Variants in PLEKHG1 observed in about 807,000 individuals in gnomAD.
PLEKHG1 encodes the protein pleckstrin homology domain-containing family G member 1.
In PLEKHG1, 44 loss-of-function variants were observed where a neutral mutation model predicts 100.8. That is an observed-to-expected ratio of 0.44 (90% CI 0.34 to 0.56). PLEKHG1 has a LOEUF of 0.56. Among genes scored for constraint, PLEKHG1 ranks in the 20% least tolerant of loss-of-function variants. The pLI is 0.01. For synonymous variants in PLEKHG1, 640 were observed against 662.5 expected (o/e 0.97, Z 0.52); for missense variants, 1,545 against 1,720.9 (o/e 0.90, Z 1.81).
chr6:150,639,643 G>C (rs1465231972), intron 2 of PLEKHG1, among the ~76,000 whole-genome samples: 1 of 152,062 alleles, frequency 6.6e-6, no homozygotes, highest in African/African-American at 2.4e-5. Flanking sequence ...AGAGCTTCCT[G>C]GGCTGGCCTG....
chr6:150,647,159 A>G (rs1778536597), intron 2 of PLEKHG1, among the ~76,000 whole-genome samples: 1 of 152,238 alleles, frequency 6.6e-6, no homozygotes, highest in African/African-American at 2.4e-5. Context: ...GTATTATCAG[A>G]CATGACTTTA....
chr6:150,831,469 C>T lies in PLEKHG1; in HGVS notation c.2358C>T (p.Ser786=), dbSNP rs115830521. Residue 786 remains serine (S), a synonymous_variant, in exon 15 of 16, where the codon TCC becomes TCT. Coordinates refer to ENST00000358517, the Ensembl canonical transcript of PLEKHG1. The surrounding 1 kb of genome is among the most constrained non-coding windows in gnomAD (Gnocchi z 4.1). The stretch of plus-strand genomic sequence containing the variant: ...GTGACAGCCTGAGGCCATTTGTTTC[C>T]CAAGACAGCCTCCAGCTCAGTGAGG... 5,363 of 1,614,118 alleles carry T rather than the reference C, an allele frequency of 3.3e-3. 136 individuals carry two copies. In the African/African-American group the frequency reaches 0.058, roughly 17 times the overall value.
chr6:150,733,690 CTCT>C, exon 2 of PLEKHG1: 1 of 1,614,204 alleles, frequency 6.2e-7, no homozygotes, highest in South Asian at 1.1e-5. Flanking sequence ...CAATGGAGCT[CTCT>C]GATAGTGACC....
intron 1 of PLEKHG1, among the ~76,000 whole-genome samples, chr6:150,620,325 T>C (rs981205566): frequency 1.3e-5 from 2 of 152,176 alleles, no homozygotes; most frequent in Non-Finnish European, 1.5e-5. Flanking sequence ...AGCGTTTCTC[T>C]CCAAGGAAGA....
At position 150,697,977 on chromosome 6, in the gene PLEKHG1, A is replaced by G. The variant is rs1195234599; in HGVS notation, c.-98-35607A>G. 1.7e-4 allele frequency among the ~76,000 whole-genome samples: 26 copies of G among 150,506 alleles called. No homozygotes were observed. The Admixed American group carries it at 1.7e-3, about 10-fold the overall frequency. ...TTTTTGTTTGTTTTTAAAGAATGTT[A>G]TGGATAAAGACCAAATGTTGGCTAA... On this transcript the variant is annotated intron_variant, in intron 3 of 3. Transcript: ENST00000367326.
intron 3 of PLEKHG1, among the ~76,000 whole-genome samples, chr6:150,715,396 G>A (rs905518333): frequency 2.2e-4 from 33 of 152,124 alleles, no homozygotes; most frequent in African/African-American, 2.2e-4. Flanking sequence ...CAGGAGGAAG[G>A]TCAGCGTGTT....
intron 4 of PLEKHG1, 128 bp from the exon 6 acceptor site, chr6:150,795,728 A>G (rs1264986138): frequency 5.1e-6 from 2 of 392,630 alleles, no homozygotes; most frequent in Non-Finnish European, 8.7e-6. Context: ...GCCTAAAAAA[A>G]AAAACAAAAA....
chr6:150,696,924 A>G (rs2128596346), intron 3 of PLEKHG1, among the ~76,000 whole-genome samples: 1 of 152,160 alleles, frequency 6.6e-6, no homozygotes, highest in South Asian at 2.1e-4. Context: ...CCTGGCCAAC[A>G]TGGTGAAACC....
chr6:150,619,314 G>A (rs977970709), intron 1 of PLEKHG1, among the ~76,000 whole-genome samples: 4 of 151,934 alleles, frequency 2.6e-5, no homozygotes, highest in African/African-American at 7.3e-5. Flanking sequence ...TCCCACCTCC[G>A]CACCTCCCTG....
intron 2 of PLEKHG1, among the ~76,000 whole-genome samples, chr6:150,640,760 C>T (rs1273747007): frequency 6.6e-6 from 1 of 152,048 alleles, no homozygotes; most frequent in Admixed American, 6.6e-5. Flanking sequence ...CCAGTGAGCA[C>T]ATTCTGCTTG....
chr6:150,808,807 CT>C (rs1326088297), intron 7 of PLEKHG1, among the ~76,000 whole-genome samples: 15 of 152,048 alleles, frequency 9.9e-5, no homozygotes, highest in African/African-American at 2.9e-4. Flanking sequence ...CTGGTGGCCC[CT>C]GGACCTGGCT....
chr6:150,752,619 T>A (rs1033627641), intron 2 of PLEKHG1, among the ~76,000 whole-genome samples: 8 of 152,220 alleles, frequency 5.3e-5, no homozygotes, highest in Admixed American at 3.3e-4. Flanking sequence ...CATCAGGATT[T>A]AACTAATTAG....
rs142010414 is a variant in PLEKHG1, at chr6:150,652,566, C to T, written c.-99+1780C>T. Among the ~76,000 whole-genome samples the T allele has an allele frequency of 5.3e-3, 812 of 151,840 alleles. 4 individuals are homozygous for T. The highest frequency in any genetic ancestry group is 9.6e-3 in the Non-Finnish European group (649 of 67,916). ...TGAAACCCCGTCGCTATTAAAAATACAAAATTAGCTGGGCGTGGTGGCTCA... is the reference window on the plus strand; with the variant it reads ...TGAAACCCCGTCGCTATTAAAAATATAAAATTAGCTGGGCGTGGTGGCTCA... On this transcript the variant is annotated intron_variant, in intron 3 of 3. Transcript: ENST00000367326.
In PLEKHG1 at chr6:150,733,583, G is replaced by T; in HGVS notation, c.-98-1G>T. The T allele has an allele frequency of 1.2e-6, 2 of 1,607,532 alleles. No homozygotes were observed. The highest frequency in any genetic ancestry group is 1.7e-6 in the Non-Finnish European group (2 of 1,176,918). Reference sequence around the variant, plus strand: ...CTTTTTATTTTCTTTAATGCATATAGATGGGCACCAGTTGCGTCTTGAAGT... The same window carrying T: ...CTTTTTATTTTCTTTAATGCATATATATGGGCACCAGTTGCGTCTTGAAGT... On this transcript the variant is annotated splice_acceptor_variant, in intron 1 of 15. Transcript: ENST00000358517. LOFTEE classifies it low-confidence loss of function (5UTR_SPLICE).
At chr6:150,601,880 T>A (rs765711556) in intron 1 of PLEKHG1, among the ~76,000 whole-genome samples, 4 of 152,204 alleles carry the variant, frequency 2.6e-5, no homozygotes, top group Non-Finnish European at 5.9e-5. Flanking sequence ...GCACCCTGAA[T>A]TAGGGGCACC....
intron 3 of PLEKHG1, among the ~76,000 whole-genome samples, chr6:150,779,344 GTTT>G (rs71554482): frequency 9.6e-6 from 1 of 104,524 alleles, no homozygotes. Context: ...TTGTCAAGAA[GTTT>G]TTTTTTTTTT....
intron 3 of PLEKHG1, chr6:150,686,656 CTT>C (rs1192834973): frequency 1.3e-5 from 2 of 152,128 alleles, no homozygotes; most frequent in African/African-American, 4.8e-5. Flanking sequence ...CTGTTTTTCT[CTT>C]GTCTCACCTC....
intron 2 of PLEKHG1, among the ~76,000 whole-genome samples, chr6:150,757,881 G>A (rs1783933305): frequency 6.6e-6 from 1 of 152,086 alleles, no homozygotes. Flanking sequence ...AGGCCCCAGT[G>A]TGTGTTGTTC....
chr6:150,834,318 G>A (rs1777112887), intron 15 of PLEKHG1, among the ~76,000 whole-genome samples: 1 of 152,194 alleles, frequency 6.6e-6, no homozygotes, highest in Admixed American at 6.5e-5. Flanking sequence ...TTTTGGTGGG[G>A]TAGGGGAATA....
Sources: gnomAD v4.1 joint callset for allele counts (sites outside exome capture counted in the v4.1 genomes callset) on GRCh38, gnomAD v4.1.1 for gene constraint, Gnocchi (gnomAD v3.1) non-coding constraint, MANE v1.5 for transcripts, NCBI Gene and HGNC (gene_info 2026-07-23, HGNC 2026-07-21) for gene names.